The following P2RY10 variants were observed in gnomAD, a reference collection of about 807,000 sequenced individuals.
P2RY10 encodes the protein P2Y receptor family member 10, also known as putative P2Y purinoceptor 10.
P2RY10 carries 4 observed loss-of-function variants against 12.1 expected under a neutral mutation model. The ratio of observed to expected loss-of-function variants is 0.33; its 90% CI spans 0.16 to 0.76. The LOEUF (loss-of-function observed/expected upper bound fraction) is 0.76, where lower values mean the gene tolerates loss of function less well. Ranked by LOEUF, P2RY10 falls within the 30% of genes least tolerant of loss-of-function variation. P2RY10 has a pLI of 0.61. For missense variants in P2RY10, 233 were observed against 264.6 expected, an observed-to-expected ratio of 0.88 and a Z score of 0.83; for synonymous variants, 112 against 94.1, an observed-to-expected ratio of 1.19 and a Z score of -1.10.
At chrX:78,952,844 T>A (rs17317427) in intron 3 of P2RY10, among the ~76,000 whole-genome samples, 4,305 of 111,785 alleles carry the variant, frequency 0.039, 89 homozygotes, top group Non-Finnish European at 0.063. Context: ...CTCAATTTAC[T>A]CTTTGAGCTG....
chrX:78,947,814 G>T lies in P2RY10; in HGVS notation c.-205-1G>T. On this transcript the variant is annotated splice_acceptor_variant, in intron 1 of 3. Transcript: ENST00000171757. LOFTEE classifies it low-confidence loss of function (5UTR_SPLICE). ...CCCAATTGCCATTATATTTCTTTCA[G>T]GTAATGTTATCATGACAGCTTCAAC... 2 of 675,997 alleles carry T rather than the reference G, an allele frequency of 3.0e-6. No homozygotes were observed. The highest frequency in any genetic ancestry group is 3.5e-6 in the Non-Finnish European group (2 of 567,876). The allele number at this position is 675,997 out of a possible 1,213,427, so 55.7% of individuals were successfully genotyped here.
intron 3 of P2RY10, among the ~76,000 whole-genome samples, chrX:78,955,103 A>G (rs1030567587): frequency 8.9e-5 from 10 of 111,987 alleles, no homozygotes; most frequent in Non-Finnish European, 9.4e-5. Context: ...TTTAAATCCT[A>G]TATGTTATCT....
Position 78,960,512 on chromosome X carries a change from C to T in P2RY10, c.-9C>T. 8.3e-7 allele frequency: 1 copy of T among 1,200,005 alleles called. No individual in the cohort carries two copies. The highest frequency in any genetic ancestry group is 3.0e-5 in the East Asian group (1 of 33,677). On this transcript the variant is annotated 5_prime_UTR_variant, in exon 4 of 4. Coordinates refer to ENST00000171757, the MANE Select transcript of P2RY10 (RefSeq NM_014499.4). ...ATTTTGTTTTACTTTGGGCAGGAAC[C>T]ATAAATCCATGGCTAACCTTGACAA...
Position 78,961,006 on chromosome X carries a change from T to A in P2RY10, c.486T>A (p.Thr162=). Reference sequence around the variant, plus strand: ...CTGCCATCTGGATCGTTGTGGGGACTGCCTGTTTGCCATTTCCCATCCTGA... The same window carrying A: ...CTGCCATCTGGATCGTTGTGGGGACAGCCTGTTTGCCATTTCCCATCCTGA... ...ISAAIWIVVG[T]ACLPFPILRS... The change falls in exon 4 of 4, where the codon ACT becomes ACA. Residue 162 remains threonine, a synonymous_variant. Transcript: ENST00000171757. 1.7e-6 allele frequency: 2 copies of A among 1,211,760 alleles called. No homozygotes were observed. Among genetic ancestry groups the A allele is most frequent in the Non-Finnish European group, 2.2e-6 (2 of 895,378 alleles).
chrX:78,952,271 C>A lies in P2RY10; in HGVS notation c.-78C>A. On this transcript the variant is annotated 5_prime_UTR_variant, in exon 3 of 4. Transcript: ENST00000171757. Reference sequence around the variant, plus strand: ...CCTTCTTTCAAGTGAAAAGGCATCTCTTTTAATGGTCCTGACCTTTGGAAT... The same window carrying A: ...CCTTCTTTCAAGTGAAAAGGCATCTATTTTAATGGTCCTGACCTTTGGAAT... 2.7e-6 allele frequency: 2 copies of A among 750,433 alleles called. No homozygotes were observed. Among genetic ancestry groups the A allele is most frequent in the Non-Finnish European group, 3.1e-6 (2 of 635,843 alleles). The allele number at this position is 750,433 out of a possible 1,213,427, so 61.8% of individuals were successfully genotyped here. A position where few individuals can be genotyped will look rare whatever the true frequency, so the allele number is the denominator to read the frequency against.
rs1922597418 is a variant in P2RY10 at position 78,961,182 on chromosome X, C to T, written c.662C>T (p.Thr221Ile). The T allele has an allele frequency of 8.3e-7, 1 of 1,210,216 alleles. No homozygotes were observed. Among genetic ancestry groups the T allele is most frequent in the African/African-American group, 1.7e-5 (1 of 57,786 alleles). ...ATCATCGCATGGTGTACCTGGAAAA[C>T]TACTATATCCTTGAGACAGCCACCA... ...VIIIAWCTWK[T>I]TISLRQPPMA... is the part of the protein sequence containing the mutation. The change falls in exon 4 of 4, where the codon ACT (threonine) becomes ATT (isoleucine). Residue 221 changes from threonine to isoleucine, a missense_variant. Thr to Ile is a moderately conservative substitution (Grantham distance 89). Transcript: ENST00000171757.
intron 3 of P2RY10, among the ~76,000 whole-genome samples, chrX:78,958,016 G>A (rs943274895): frequency 8.9e-6 from 1 of 112,229 alleles, no homozygotes; most frequent in Non-Finnish European, 1.9e-5. Context: ...ATGCACTGAT[G>A]GATCTTTCTT....
chrX:78,946,356 C>T (rs1388870362), intron 1 of P2RY10, among the ~76,000 whole-genome samples: 2 of 111,362 alleles, frequency 1.8e-5, no homozygotes, highest in Admixed American at 9.5e-5. Flanking sequence ...GTTATTATTG[C>T]TATTACTCTG....
intron 2 of P2RY10, among the ~76,000 whole-genome samples, chrX:78,951,992 A>T (rs916158160): frequency 9.0e-6 from 1 of 111,531 alleles, no homozygotes; most frequent in Non-Finnish European, 1.9e-5. Flanking sequence ...TTCAGCTCCC[A>T]CTTATAAGTG....
In P2RY10 at chrX:78,961,547, GA is replaced by G; in HGVS notation, c.*8del. On this transcript the variant is annotated 3_prime_UTR_variant, in exon 4 of 4. Coordinates refer to ENST00000171757, the MANE Select transcript of P2RY10 (RefSeq NM_014499.4). ...TTCATCAATGATTGGCTAAAATTAA[GA>G]TATCTCTTTAATTACGCCTTTGTTT... 2 of 1,158,390 alleles carry G rather than the reference GA, an allele frequency of 1.7e-6. No homozygotes were observed. The highest frequency in any genetic ancestry group is 2.3e-6 in the Non-Finnish European group (2 of 856,657).
At chrX:78,952,805 A>G (rs1052140949) in intron 3 of P2RY10, among the ~76,000 whole-genome samples, 1 of 111,934 alleles carries the variant, frequency 8.9e-6, no homozygotes, top group African/African-American at 3.2e-5. Context: ...AGGACAATAG[A>G]TGAAGTTGAT....
At chrX:78,951,978 A>G (rs993052842) in intron 2 of P2RY10, among the ~76,000 whole-genome samples, 1 of 111,580 alleles carries the variant, frequency 9.0e-6, no homozygotes, top group African/African-American at 3.3e-5. Context: ...ATGTGTTCCC[A>G]TCATTCAGCT....
At position 78,961,531 on chromosome X, in the gene P2RY10, G is replaced by T; in HGVS notation, c.1011G>T (p.Met337Ile). ...TGAGCAAGGAGAGTGGTTCATCAATGATTGGCTAAAATTAAGATATCTCTT... is the reference window on the plus strand; with the variant it reads ...TGAGCAAGGAGAGTGGTTCATCAATTATTGGCTAAAATTAAGATATCTCTT... ...RLMSKESGSS[M>I]IG Residue 337 changes from methionine (M) to isoleucine (I), a missense_variant, in exon 4 of 4, where the codon ATG becomes ATT. Transcript: ENST00000171757. The T allele has an allele frequency of 8.5e-7, 1 of 1,181,360 alleles. No homozygotes were observed. Among genetic ancestry groups the T allele is most frequent in the Non-Finnish European group, 1.1e-6 (1 of 875,058 alleles).
Position 78,946,923 on chromosome X carries a change from C to T in P2RY10, c.-205-892C>T, listed in dbSNP as rs192816479. On this transcript the variant is annotated intron_variant, in intron 1 of 3. Coordinates refer to ENST00000171757, the MANE Select transcript of P2RY10 (RefSeq NM_014499.4). ...ATAAGTGAGTTGGGGTTTTAAAAGACAGGCCAGCCTGCTGGGCTTGGTGGC... is the reference window on the plus strand; with the variant it reads ...ATAAGTGAGTTGGGGTTTTAAAAGATAGGCCAGCCTGCTGGGCTTGGTGGC... Among the ~76,000 whole-genome samples, 8 of 111,967 alleles carry T rather than the reference C, an allele frequency of 7.1e-5. No individual in the cohort carries two copies. The East Asian group carries it at 2.3e-3, about 32-fold the overall frequency.
At position 78,961,362 on chromosome X, in the gene P2RY10, G is replaced by T. The variant is rs377090188; in HGVS notation, c.842G>T (p.Arg281Leu). 8.3e-7 allele frequency: 1 copy of T among 1,209,136 alleles called. No individual in the cohort carries two copies. Among genetic ancestry groups the T allele is most frequent in the Admixed American group, 2.2e-5 (1 of 45,659 alleles). ...ATCATTAGCAGTTGTCCCGTTGTCC[G>T]AATCGCACTGTATTTCCACCCTTTT... The part of the protein sequence containing the change: ...ETIISSCPVV[R>L]IALYFHPFCL... The change falls in exon 4 of 4, where the codon CGA becomes CTA. Residue 281 changes from arginine to leucine, a missense_variant. By Grantham distance (102) the Arg-to-Leu change is moderately radical (BLOSUM62 -2). Transcript: ENST00000171757.
chrX:78,955,575 T>C (rs1208257396), intron 3 of P2RY10, among the ~76,000 whole-genome samples: 3 of 111,609 alleles, frequency 2.7e-5, no homozygotes, highest in African/African-American at 9.8e-5. Flanking sequence ...AGAGAACAGA[T>C]GGTAAATGTT....
At chrX:78,949,367 G>C (rs1922000144) in intron 2 of P2RY10, among the ~76,000 whole-genome samples, 1 of 111,729 alleles carries the variant, frequency 9.0e-6, no homozygotes, top group Non-Finnish European at 1.9e-5. Flanking sequence ...ATTATTTTCA[G>C]ACACATTTTT....
intron 3 of P2RY10, among the ~76,000 whole-genome samples, chrX:78,958,565 G>T (rs1922454520): frequency 8.9e-6 from 1 of 112,222 alleles, no homozygotes; most frequent in Non-Finnish European, 1.9e-5. Flanking sequence ...CTGAAGCTCA[G>T]TTTTTTCATC....
intron 2 of P2RY10, among the ~76,000 whole-genome samples, chrX:78,950,922 A>G (rs1341325985): frequency 8.9e-6 from 1 of 112,284 alleles, no homozygotes; most frequent in Non-Finnish European, 1.9e-5. Context: ...AAGGAGTATA[A>G]TAGTAATTAA....
Sources: allele counts gnomAD v4.1 joint callset (sites outside exome capture counted in the v4.1 genomes callset), GRCh38; gene constraint gnomAD v4.1.1; transcripts MANE v1.5; gene names NCBI Gene and HGNC (gene_info 2026-07-23, HGNC 2026-07-21).